The following TGS1 variants were observed in gnomAD, a reference collection of about 807,000 sequenced individuals.
The protein encoded by TGS1 is trimethylguanosine synthase.
In TGS1, 69 loss-of-function variants were observed where a neutral mutation model predicts 92.2. The ratio of observed to expected loss-of-function variants is 0.75; its 90% CI spans 0.62 to 0.91. The LOEUF is 0.91. TGS1 is among the 40% of genes least tolerant of loss of function. The pLI, the probability that TGS1 is intolerant of heterozygous loss-of-function variation, is 0.00. For missense variants in TGS1, 1,062 were observed against 1,001.2 expected, an observed-to-expected ratio of 1.06 and a Z score of -0.82; for synonymous variants, 345 against 338.1, an observed-to-expected ratio of 1.02 and a Z score of -0.22.
Position 55,792,917 on chromosome 8 carries a change from T to C in TGS1, c.1367+133T>C, listed in dbSNP as rs1433741044. 27 of 636,822 alleles carry C rather than the reference T, an allele frequency of 4.2e-5. No homozygotes were observed. The East Asian group carries it at 6.9e-4, about 16-fold the overall frequency. 39.4% of individuals were successfully genotyped at this position (636,822 alleles called of 1,614,324 possible). A position where few individuals can be genotyped will look rare whatever the true frequency, so the allele number is the denominator to read the frequency against. ...ATCATTAAATCACTTCTTGTTAGAA[T>C]TGTGGTAGAGATATCCCTGTACATT... is the stretch of plus-strand genomic sequence containing the variant. On this transcript the variant is annotated intron_variant, in intron 6 of 12. Transcript: ENST00000260129.
chr8:55,796,760 G>A (rs944629064), intron 7 of TGS1, among the ~76,000 whole-genome samples: 1 of 152,106 alleles, frequency 6.6e-6, no homozygotes, highest in Non-Finnish European at 1.5e-5. Context: ...GGAGGCTGAG[G>A]CGGATGGATC....
intron 1 of TGS1, among the ~76,000 whole-genome samples, chr8:55,779,447 T>C (rs766160465): frequency 6.6e-6 from 1 of 152,242 alleles, no homozygotes; most frequent in Non-Finnish European, 1.5e-5. Context: ...GGACCTGACC[T>C]GTTAAGCTGG....
chr8:55,803,765 C>T (rs1330386534), intron 9 of TGS1, among the ~76,000 whole-genome samples: 1 of 150,678 alleles, frequency 6.6e-6, no homozygotes, highest in African/African-American at 2.4e-5. Flanking sequence ...ACAATCTTGG[C>T]TCAGCAACCT....
At position 55,805,062 on chromosome 8, in the gene TGS1, C is replaced by T. The variant is rs148315818; in HGVS notation, c.2143+26C>T. The stretch of plus-strand genomic sequence containing the variant: ...GTAATTAGCCATCAATGGAAGTGAA[C>T]TATTTTATGTCCAGTTAATTCAGTA... On this transcript the variant is annotated intron_variant, in intron 10 of 12. Transcript: ENST00000260129. 10 of 1,608,086 alleles carry T rather than the reference C, an allele frequency of 6.2e-6. No homozygotes were observed. The East Asian group carries it at 1.6e-4, about 25-fold the overall frequency.
chr8:55,825,811 T>A lies in TGS1; in HGVS notation c.*1108T>A, dbSNP rs749028940. On this transcript the variant is annotated 3_prime_UTR_variant, in exon 13 of 13. Coordinates refer to ENST00000260129, the MANE Select transcript of TGS1 (RefSeq NM_024831.8). ...GATCAATAAAGGTGAAATTACTTTTTCATTAATTCGCAATTTCAAAATCTG... is the reference window on the plus strand; with the variant it reads ...GATCAATAAAGGTGAAATTACTTTTACATTAATTCGCAATTTCAAAATCTG... 3.9e-5 allele frequency among the ~76,000 whole-genome samples: 6 copies of A among 152,210 alleles called. No homozygotes were observed. The highest frequency in any genetic ancestry group is 8.8e-5 in the Non-Finnish European group (6 of 68,044).
At chr8:55,785,199 G>A in intron 2 of TGS1, among the ~76,000 whole-genome samples, 1 of 151,880 alleles carries the variant, frequency 6.6e-6, no homozygotes, top group East Asian at 1.9e-4. Flanking sequence ...TGAGTAGCTG[G>A]AATTACAGCC....
chr8:55,774,735 C>T (rs954254615), intron 1 of TGS1, among the ~76,000 whole-genome samples: 5 of 152,082 alleles, frequency 3.3e-5, no homozygotes, highest in African/African-American at 9.7e-5. Flanking sequence ...TACATTATTA[C>T]TTGGTTGATT....
intron 12 of TGS1, among the ~76,000 whole-genome samples, chr8:55,815,323 T>G (rs1169714780): frequency 6.6e-6 from 1 of 152,232 alleles, no homozygotes; most frequent in Non-Finnish European, 1.5e-5. Flanking sequence ...TCAAGTGTAT[T>G]AATTTTTTTT....
At position 55,825,717 on chromosome 8, in the gene TGS1, A is replaced by G. The variant is rs558776357; in HGVS notation, c.*1014A>G. On this transcript the variant is annotated 3_prime_UTR_variant, in exon 13 of 13. Transcript: ENST00000260129. ...GTTATATAAATAACTTTGTTGGAAT[A>G]TGCTAATTTTAGTGTCTTGAAAGTT... is the stretch of plus-strand genomic sequence containing the variant. Among the ~76,000 whole-genome samples, 1 of 152,344 alleles carries G rather than the reference A, an allele frequency of 6.6e-6. No homozygotes were observed. Among genetic ancestry groups the G allele is most frequent in the South Asian group, 2.1e-4 (1 of 4,832 alleles).
intron 7 of TGS1, among the ~76,000 whole-genome samples, chr8:55,796,852 A>G (rs1812069678): frequency 6.6e-6 from 1 of 151,886 alleles, no homozygotes. Flanking sequence ...TTAGCCAGGC[A>G]TGATGGCGGG....
At chr8:55,821,744 G>A (rs1194248852) in intron 12 of TGS1, among the ~76,000 whole-genome samples, 1 of 151,800 alleles carries the variant, frequency 6.6e-6, no homozygotes, top group Non-Finnish European at 1.5e-5. Context: ...GTGGTGGCGG[G>A]CGCCTGTAGT....
intron 7 of TGS1, among the ~76,000 whole-genome samples, chr8:55,798,243 C>T (rs1812117024): frequency 6.6e-6 from 1 of 152,176 alleles, no homozygotes; most frequent in Non-Finnish European, 1.5e-5. Flanking sequence ...TTTACTCACT[C>T]TCAGGAAGGT....
intron 1 of TGS1, among the ~76,000 whole-genome samples, chr8:55,782,182 ATTTATTTATTTATTTT>A (rs1459631043): frequency 8.0e-6 from 1 of 125,534 alleles, no homozygotes; most frequent in Non-Finnish European, 1.7e-5. Context: ...TTATTTATTT[ATTTATTTATTTATTTT>A]GAGATAGATT....
chr8:55,803,000 C>G (rs2316664), intron 9 of TGS1, among the ~76,000 whole-genome samples: 19,215 of 151,358 alleles, frequency 0.13, 1,277 homozygotes, highest in South Asian at 0.16. Flanking sequence ...TGTATCATTG[C>G]GTTTATTTTT....
chr8:55,784,412 G>T (rs945216781), intron 2 of TGS1, among the ~76,000 whole-genome samples: 1 of 152,108 alleles, frequency 6.6e-6, no homozygotes, highest in East Asian at 1.9e-4. Flanking sequence ...AGTGGTGATC[G>T]CTTAAGCATT....
At chr8:55,811,632 G>A (rs773530744) in intron 11 of TGS1, among the ~76,000 whole-genome samples, 4 of 151,558 alleles carry the variant, frequency 2.6e-5, no homozygotes, top group Non-Finnish European at 4.4e-5. Context: ...ATGGTGGCAC[G>A]CGCCTGTACT....
At chr8:55,823,847 A>C (rs1385359459) in intron 12 of TGS1, among the ~76,000 whole-genome samples, 3 of 152,162 alleles carry the variant, frequency 2.0e-5, no homozygotes, top group African/African-American at 7.2e-5. Context: ...TAGGCCGGGC[A>C]CGGTGGCTTG....
chr8:55,815,418 G>T (rs1161454789), intron 12 of TGS1, among the ~76,000 whole-genome samples: 3 of 152,076 alleles, frequency 2.0e-5, no homozygotes, highest in African/African-American at 7.2e-5. Context: ...CCTTTTTAAT[G>T]AGAGGAGACA....
rs1207103903 is a variant in TGS1 at position 55,825,747 on chromosome 8, A to G, written c.*1044A>G. Among the ~76,000 whole-genome samples the G allele has an allele frequency of 6.6e-6, 1 of 152,182 alleles. No homozygotes were observed. The highest frequency in any genetic ancestry group is 1.5e-5 in the Non-Finnish European group (1 of 68,040). Reference sequence around the variant, plus strand: ...AATTTTAGTGTCTTGAAAGTTTACAATTTATCTGATTGCTCTGCAGTACAG... The same window carrying G: ...AATTTTAGTGTCTTGAAAGTTTACAGTTTATCTGATTGCTCTGCAGTACAG... On this transcript the variant is annotated 3_prime_UTR_variant, in exon 13 of 13. Transcript: ENST00000260129.
Sources: allele counts gnomAD v4.1 joint callset (sites outside exome capture counted in the v4.1 genomes callset), GRCh38; gene constraint gnomAD v4.1.1; transcripts MANE v1.5; gene names NCBI Gene and HGNC (gene_info 2026-07-23, HGNC 2026-07-21).